The following FAM107B variants were observed in gnomAD, a reference collection of about 807,000 sequenced individuals.
The protein encoded by FAM107B is protein FAM107B.
A neutral mutation model predicts 31.5 loss-of-function variants in FAM107B; 21 were observed. The ratio of observed to expected loss-of-function variants is 0.67; its 90% confidence interval spans 0.47 to 0.96. The LOEUF is 0.96. FAM107B is among the 40% of genes least tolerant of loss of function. The pLI is 0.00. For missense variants in FAM107B, 452 were observed against 377.1 expected, an observed-to-expected ratio of 1.20 and a Z score of -1.64; for synonymous variants, 157 against 141.5, an observed-to-expected ratio of 1.11 and a Z score of -0.78.
At chr10:14,622,154 G>A (rs2131403968) in intron 2 of FAM107B, among the ~76,000 whole-genome samples, 1 of 152,166 alleles carries the variant, frequency 6.6e-6, no homozygotes, top group East Asian at 1.9e-4. Flanking sequence ...ATCCAACGGG[G>A]GCCAGGCAAT....
At chr10:14,717,637 G>T (rs368354131) in intron 1 of FAM107B, among the ~76,000 whole-genome samples, 1 of 152,156 alleles carries the variant, frequency 6.6e-6, no homozygotes, top group African/African-American at 2.4e-5. Context: ...CCAATCTTCC[G>T]CCTGCTTTGT....
chr10:14,678,347 C>T (rs1854740556), intron 1 of FAM107B, among the ~76,000 whole-genome samples: 1 of 152,168 alleles, frequency 6.6e-6, no homozygotes, highest in East Asian at 1.9e-4. Context: ...GTCCATTGAA[C>T]ACTAAGAAGA....
At chr10:14,567,466 G>C (rs996182113) in intron 2 of FAM107B, among the ~76,000 whole-genome samples, 4 of 152,108 alleles carry the variant, frequency 2.6e-5, no homozygotes, top group Non-Finnish European at 5.9e-5. Context: ...TTATGGAGAG[G>C]AAGAGGGTTG....
intron 1 of FAM107B, among the ~76,000 whole-genome samples, chr10:14,716,016 G>A (rs1267765242): frequency 6.6e-6 from 1 of 152,158 alleles, no homozygotes; most frequent in Non-Finnish European, 1.5e-5. Flanking sequence ...GGAGTCTCCA[G>A]AGAAATAGAT....
At chr10:14,542,467 T>C (rs1027295016) in intron 2 of FAM107B, 4 of 152,138 alleles carry the variant, frequency 2.6e-5, no homozygotes, top group African/African-American at 9.7e-5. Context: ...TGAAGTTGTC[T>C]TCTTTCTCAT....
intron 2 of FAM107B, among the ~76,000 whole-genome samples, chr10:14,609,009 A>C (rs1324426054): frequency 1.3e-5 from 2 of 152,244 alleles, no homozygotes; most frequent in African/African-American, 4.8e-5. Flanking sequence ...TAAAACCCAC[A>C]AAGACAGATA....
chr10:14,688,723 A>C (rs1363084508), intron 1 of FAM107B, among the ~76,000 whole-genome samples: 2 of 152,124 alleles, frequency 1.3e-5, no homozygotes, highest in Non-Finnish European at 2.9e-5. Context: ...GGCGTCGGTA[A>C]ACAGAGCTTC....
chr10:14,596,130 C>T (rs767697530), intron 2 of FAM107B, among the ~76,000 whole-genome samples: 1 of 152,320 alleles, frequency 6.6e-6, no homozygotes, highest in Non-Finnish European at 1.5e-5. Context: ...CAAGCTCCTG[C>T]CAGCCACTGG....
In FAM107B at chr10:14,713,367, A is replaced by G. The variant is rs59304912; in HGVS notation, c.412-45676T>C. On this transcript the variant is annotated intron_variant, in intron 1 of 4. Coordinates refer to ENST00000181796, the MANE Select transcript of FAM107B (RefSeq NM_031453.4). The stretch of plus-strand genomic sequence containing the variant: ...CTCAGACACAAAGTTCCCTGTAACC[A>G]TTCACCATTATAGCCCAAGATTCAA... Among the ~76,000 whole-genome samples, 1,186 of 152,338 alleles carry G rather than the reference A, an allele frequency of 7.8e-3. 11 individuals are homozygous for G. The highest frequency in any genetic ancestry group is 0.027 in the African/African-American group (1,103 of 41,576).
intron 2 of FAM107B, among the ~76,000 whole-genome samples, chr10:14,585,321 G>A (rs1274065991): frequency 3.3e-5 from 5 of 151,866 alleles, no homozygotes; most frequent in Admixed American, 6.6e-5. Context: ...CTCCACTCTC[G>A]CAAGCCCCAT....
intron 1 of FAM107B, among the ~76,000 whole-genome samples, chr10:14,757,318 GA>G (rs71993133): frequency 0.1 from 13,510 of 132,000 alleles, 679 homozygotes; most frequent in South Asian, 0.15. Context: ...TTTGCTGACT[GA>G]AAAAAAAAAA....
intron 2 of FAM107B, among the ~76,000 whole-genome samples, chr10:14,543,499 G>T (rs1213286855): frequency 6.6e-6 from 1 of 151,926 alleles, no homozygotes; most frequent in African/African-American, 2.4e-5. Context: ...AGTGCAGGAG[G>T]AGTTGAAATC....
intron 1 of FAM107B, among the ~76,000 whole-genome samples, chr10:14,769,045 T>A (rs1224000340): frequency 6.6e-6 from 1 of 152,234 alleles, no homozygotes; most frequent in African/African-American, 2.4e-5. Context: ...ATTGGTTCTA[T>A]TCTAACACAC....
intron 2 of FAM107B, among the ~76,000 whole-genome samples, chr10:14,646,998 G>C (rs1252994942): frequency 6.6e-6 from 1 of 152,022 alleles, no homozygotes; most frequent in South Asian, 2.1e-4. Flanking sequence ...GTTTCACCGT[G>C]TTAGCCAGGA....
intron 1 of FAM107B, among the ~76,000 whole-genome samples, chr10:14,752,647 G>C (rs980838753): frequency 3.9e-5 from 6 of 152,164 alleles, no homozygotes; most frequent in African/African-American, 1.2e-4. Flanking sequence ...ACTCATAAAA[G>C]CTGGCCAGGT....
intron 1 of FAM107B, among the ~76,000 whole-genome samples, chr10:14,697,612 A>C (rs1407449175): frequency 6.6e-6 from 1 of 152,264 alleles, no homozygotes; most frequent in African/African-American, 2.4e-5. Context: ...TAGGACAAAT[A>C]CAAAGGTGTT....
At chr10:14,676,742 C>T (rs775685122) in intron 1 of FAM107B, among the ~76,000 whole-genome samples, 34 of 152,202 alleles carry the variant, frequency 2.2e-4, no homozygotes, top group Non-Finnish European at 4.9e-4. Flanking sequence ...CCATAACAAC[C>T]CTCTGTGCAA....
intron 1 of FAM107B, among the ~76,000 whole-genome samples, chr10:14,769,941 G>A (rs1833263645): frequency 6.6e-6 from 1 of 152,210 alleles, no homozygotes; most frequent in African/African-American, 2.4e-5. Context: ...TTGGCTGGGT[G>A]CAGTGTTAAG....
chr10:14,529,872 T>C (rs191346457), intron 3 of FAM107B: 1 of 154,154 alleles, frequency 6.5e-6, no homozygotes, highest in East Asian at 1.9e-4. Flanking sequence ...AACATGAGTG[T>C]CCTATCTATT....
Sources: allele counts gnomAD v4.1 joint callset (sites outside exome capture counted in the v4.1 genomes callset), GRCh38; gene constraint gnomAD v4.1.1; transcripts MANE v1.5; gene names NCBI Gene and HGNC (gene_info 2026-07-23, HGNC 2026-07-21).